The following SETD7 variants were observed in gnomAD, a reference collection of about 807,000 sequenced individuals.
The protein encoded by SETD7 is SET domain containing 7, histone lysine methyltransferase.
A neutral mutation model predicts 41.8 loss-of-function variants in SETD7; 16 were observed. The ratio of observed to expected loss-of-function variants is 0.38; its 90% CI spans 0.26 to 0.58. The LOEUF (loss-of-function observed/expected upper bound fraction) is 0.58, where lower values mean the gene tolerates loss of function less well. Among genes scored for constraint, SETD7 ranks in the 20% least tolerant of loss-of-function variants. SETD7 has a pLI of 0.64. For synonymous variants in SETD7, 163 were observed against 169.7 expected (o/e 0.96, Z 0.31); for missense variants, 346 against 459.7 (o/e 0.75, Z 2.26).
intron 2 of SETD7, among the ~76,000 whole-genome samples, chr4:139,542,401 T>G (rs960197823): frequency 3.3e-5 from 5 of 152,222 alleles, no homozygotes; most frequent in Non-Finnish European, 7.3e-5. Flanking sequence ...GGATTTTGAA[T>G]GTTCTCACCA....
At chr4:139,493,727 A>G (rs1726399556), downstream of SETD7, among the ~76,000 whole-genome samples, 1 of 151,814 alleles carries the variant, frequency 6.6e-6, no homozygotes, top group Admixed American at 6.6e-5. Flanking sequence ...TTTTGTAGAG[A>G]TGGGGTTTTG....
At chr4:139,520,207 TA>T in intron 6 of SETD7, 69 bp downstream of exon 6, 1 of 752,680 alleles carries the variant, frequency 1.3e-6, no homozygotes, top group Non-Finnish European at 2.2e-6. Context: ...AGTACTAAGG[TA>T]AAGGGATTTT....
At chr4:139,515,689 T>C (rs146409225) in intron 7 of SETD7, among the ~76,000 whole-genome samples, 11 of 152,362 alleles carry the variant, frequency 7.2e-5, no homozygotes, top group Non-Finnish European at 1.2e-4. Context: ...AAGTTGTAGC[T>C]TCAGTGCTTG....
downstream of SETD7, among the ~76,000 whole-genome samples, chr4:139,495,421 A>G (rs575646260): frequency 4.6e-5 from 7 of 152,332 alleles, no homozygotes; most frequent in Middle Eastern, 6.8e-3. Context: ...ACACTGCCTT[A>G]AAGATACTAC....
chr4:139,541,269 C>CTA (rs1370333324), intron 2 of SETD7, among the ~76,000 whole-genome samples: 2 of 152,166 alleles, frequency 1.3e-5, no homozygotes, highest in East Asian at 3.8e-4. Flanking sequence ...GTTCACCATT[C>CTA]TAGGATTGTG....
At position 139,507,460 on chromosome 4, in the gene SETD7, A is replaced by T. The variant is rs1048540764; in HGVS notation, c.*4203T>A. 6.5e-6 allele frequency: 1 copy of T among 152,680 alleles called. No individual in the cohort carries two copies. The highest frequency in any genetic ancestry group is 2.4e-5 in the African/African-American group (1 of 41,460). The allele number at this position is 152,680 out of a possible 1,614,324, so 9.5% of individuals were successfully genotyped here. ...TTTTTAAAAATCAAAATTGATCTGC[A>T]TTACATCTCAATAGACTCAGATAAT... On this transcript the variant is annotated 3_prime_UTR_variant, in exon 8 of 8. Coordinates refer to ENST00000274031, the MANE Select transcript of SETD7 (RefSeq NM_030648.4).
intron 7 of SETD7, among the ~76,000 whole-genome samples, chr4:139,517,140 C>T (rs1727046482): frequency 6.6e-6 from 1 of 152,172 alleles, no homozygotes; most frequent in South Asian, 2.1e-4. Flanking sequence ...ATGTCATGCC[C>T]TAGGCTTAGG....
downstream of SETD7, among the ~76,000 whole-genome samples, chr4:139,501,716 G>C (rs1726580800): frequency 6.6e-6 from 1 of 152,324 alleles, no homozygotes; most frequent in South Asian, 2.1e-4. Flanking sequence ...GATATGCCTA[G>C]TGATCCCCGC....
intron 4 of SETD7, among the ~76,000 whole-genome samples, chr4:139,528,765 C>T (rs1727399730): frequency 6.6e-6 from 1 of 152,190 alleles, no homozygotes; most frequent in Non-Finnish European, 1.5e-5. Flanking sequence ...ACAAAGAGAG[C>T]TGACTCAAAC....
intron 2 of SETD7, among the ~76,000 whole-genome samples, chr4:139,539,588 G>A (rs1727730058): frequency 6.6e-6 from 1 of 152,160 alleles, no homozygotes; most frequent in Non-Finnish European, 1.5e-5. Flanking sequence ...AAGCCTCAAA[G>A]TAACAGTAAA....
chr4:139,554,825 A>C (rs2111183381), intron 1 of SETD7, among the ~76,000 whole-genome samples: 1 of 152,388 alleles, frequency 6.6e-6, no homozygotes, highest in South Asian at 2.1e-4. Context: ...AAAGGGAGTT[A>C]TGTTTATGAA....
At chr4:139,493,978 G>T (rs1726403954), downstream of SETD7, among the ~76,000 whole-genome samples, 1 of 152,152 alleles carries the variant, frequency 6.6e-6, no homozygotes, top group Non-Finnish European at 1.5e-5. Context: ...TGCCTCCCTT[G>T]CCTGACCTCT....
rs577456980 is a variant in SETD7, at chr4:139,523,257, G to C, written c.644+97C>G. On this transcript the variant is annotated intron_variant, in intron 5 of 7. Transcript: ENST00000274031. ...GGAGCTTGGTCTGAGCTGGAACCCA[G>C]CCTGGGCAGAGAGCCAAAGAGGTGC... The C allele has an allele frequency of 5.9e-5, 49 of 837,218 alleles. No individual in the cohort carries two copies. In the East Asian group the frequency reaches 1.2e-3, roughly 20 times the overall value. The allele number at this position is 837,218 out of a possible 1,614,324, so 51.9% of individuals were successfully genotyped here. A position where few individuals can be genotyped will look rare whatever the true frequency, so the allele number is the denominator to read the frequency against.
chr4:139,514,354 C>G (rs978138020), intron 7 of SETD7, among the ~76,000 whole-genome samples: 1 of 152,086 alleles, frequency 6.6e-6, no homozygotes, highest in African/African-American at 2.4e-5. Flanking sequence ...TGGTTAACCT[C>G]TGGTACACTG....
intron 7 of SETD7, among the ~76,000 whole-genome samples, chr4:139,499,119 C>A (rs1726521033): frequency 6.6e-6 from 1 of 152,186 alleles, no homozygotes; most frequent in African/African-American, 2.4e-5. Context: ...GACCCCCATT[C>A]CAGAAAGGGC....
rs375089729 is a variant in SETD7 at position 139,547,039 on chromosome 4, G to A, written c.51C>T (p.Asp17=). 2.0e-5 allele frequency: 32 copies of A among 1,613,934 alleles called. No individual in the cohort carries two copies. In the East Asian group the frequency reaches 2.2e-4, roughly 11 times the overall value. The change falls in exon 2 of 8, where the codon GAC becomes GAT. Residue 17 remains aspartate, a synonymous_variant. Transcript: ENST00000274031. ...AGAACCCGTGCGGTAATCCGTCATC[G>A]TCCAGGTGCCCTGGAGAAAGGGAAC... is the stretch of plus-strand genomic sequence containing the variant. ...MVEEAVEGHL[D]DDGLPHGFCT...
At chr4:139,536,427 A>G (rs1197243953) in intron 2 of SETD7, among the ~76,000 whole-genome samples, 2 of 152,218 alleles carry the variant, frequency 1.3e-5, no homozygotes, top group Non-Finnish European at 2.9e-5. Flanking sequence ...AAAAGAAAGA[A>G]GCCAATGGGT....
chr4:139,522,198 C>T (rs1450400481), intron 5 of SETD7, among the ~76,000 whole-genome samples: 1 of 152,192 alleles, frequency 6.6e-6, no homozygotes, highest in Non-Finnish European at 1.5e-5. Flanking sequence ...GGGGTCAGCC[C>T]TGTCAGTTGA....
downstream of SETD7, among the ~76,000 whole-genome samples, chr4:139,493,347 G>A (rs1338345417): frequency 6.6e-6 from 1 of 152,174 alleles, no homozygotes; most frequent in African/African-American, 2.4e-5. Context: ...TAAAGGCCTG[G>A]ATCCAGGAAA....
Sources: gnomAD v4.1 joint callset for allele counts (sites outside exome capture counted in the v4.1 genomes callset) on GRCh38, gnomAD v4.1.1 for gene constraint, MANE v1.5 for transcripts, NCBI Gene and HGNC (gene_info 2026-07-23, HGNC 2026-07-21) for gene names.